EGFLAM: variants seen among roughly 807,000 people sequenced by gnomAD.
EGFLAM encodes EGF like, fibronectin type III and laminin G domains, also known as pikachurin.
Under a neutral mutation model 113.1 loss-of-function variants are expected in EGFLAM, and 79 were observed. That is an observed-to-expected ratio of 0.70 (90% confidence interval 0.58 to 0.84). The LOEUF (loss-of-function observed/expected upper bound fraction) is 0.84, where lower values mean the gene tolerates loss of function less well. Among genes scored for constraint, EGFLAM ranks in the 40% least tolerant of loss-of-function variants. The pLI is 0.00. For synonymous variants in EGFLAM, 504 were observed against 487.6 expected, an observed-to-expected ratio of 1.03 and a Z score of -0.44; for missense variants, 1,265 against 1,291.6, an observed-to-expected ratio of 0.98 and a Z score of 0.32.
In EGFLAM at chr5:38,431,179, G is replaced by A. The variant is rs1742174638; in HGVS notation, c.2057G>A (p.Ser686Asn). The change falls in exon 15 of 22, where the codon AGT (serine) becomes AAT (asparagine). Residue 686 changes from serine to asparagine, a missense_variant and splice_region_variant. Ser to Asn is a conservative substitution (Grantham distance 46, BLOSUM62 1). Coordinates refer to ENST00000322350, the MANE Select transcript of EGFLAM (RefSeq NM_152403.4). ...DCGSGTGVLR[S>N]EDPLTLGNWH... Reference sequence around the variant, plus strand: ...AATATCACATCTTCCTTCCACAGGAGTGAAGATCCCCTCACCCTGGGCAAC... The same window carrying A: ...AATATCACATCTTCCTTCCACAGGAATGAAGATCCCCTCACCCTGGGCAAC... 2 of 1,613,506 alleles carry A rather than the reference G, an allele frequency of 1.2e-6. No individual in the cohort carries two copies. Among genetic ancestry groups the A allele is most frequent in the Non-Finnish European group, 1.7e-6 (2 of 1,179,402 alleles).
intron 18 of EGFLAM, among the ~76,000 whole-genome samples, chr5:38,449,094 G>T (rs1173560724): frequency 1.4e-5 from 2 of 146,950 alleles, no homozygotes; most frequent in Non-Finnish European, 3.0e-5. Flanking sequence ...CTTTCAGTTT[G>T]CCCCTTATCT....
intron 17 of EGFLAM, chr5:38,445,774 G>T (rs182429269): frequency 6.6e-7 from 1 of 1,504,820 alleles, no homozygotes; most frequent in South Asian, 1.1e-5. Context: ...CATGCAGGGG[G>T]ACCCGGGGTG....
intron 1 of EGFLAM, among the ~76,000 whole-genome samples, chr5:38,312,360 G>C (rs1428968128): frequency 6.6e-6 from 1 of 151,754 alleles, no homozygotes. Context: ...TCCTGCCTCA[G>C]CCTCCGGAGT....
At chr5:38,328,248 T>G (rs1754836691) in intron 1 of EGFLAM, among the ~76,000 whole-genome samples, 1 of 152,108 alleles carries the variant, frequency 6.6e-6, no homozygotes, top group Admixed American at 6.5e-5. Context: ...ACACTTTTAT[T>G]AAAGAACCAG....
At position 38,462,099 on chromosome 5, in the gene EGFLAM, G is replaced by A. The variant is rs1579966642; in HGVS notation, c.2772-809G>A. Reference sequence around the variant, plus strand: ...AGGAGAATGGCGTGAACCCCGGGGGGCGGAGCCTGCAGTGAGCCGAGATCG... The same window carrying A: ...AGGAGAATGGCGTGAACCCCGGGGGACGGAGCCTGCAGTGAGCCGAGATCG... On this transcript the variant is annotated intron_variant, in intron 20 of 21. Coordinates refer to ENST00000322350, the MANE Select transcript of EGFLAM (RefSeq NM_152403.4). Among the ~76,000 whole-genome samples, 3 of 152,242 alleles carry A rather than the reference G, an allele frequency of 2.0e-5. No individual in the cohort carries two copies. In the East Asian group the frequency reaches 5.8e-4, roughly 30 times the overall value.
At chr5:38,405,572 A>G (rs780491692) in intron 6 of EGFLAM, among the ~76,000 whole-genome samples, 5 of 152,162 alleles carry the variant, frequency 3.3e-5, no homozygotes, top group Non-Finnish European at 7.4e-5. Flanking sequence ...TAAATAATTT[A>G]GTCATTCTTT....
chr5:38,360,616 A>G (rs1485552624), intron 5 of EGFLAM, among the ~76,000 whole-genome samples: 1 of 152,178 alleles, frequency 6.6e-6, no homozygotes, highest in Non-Finnish European at 1.5e-5. Context: ...CTGGCCTCAG[A>G]CAACAGAATG....
chr5:38,283,206 C>A (rs4434404), intron 1 of EGFLAM, among the ~76,000 whole-genome samples: 1,525 of 152,152 alleles, frequency 0.01, 26 homozygotes, highest in African/African-American at 0.035. Context: ...TTGAATGACC[C>A]GTTCTCCAAT....
At chr5:38,377,411 T>C (rs181550210) in intron 6 of EGFLAM, among the ~76,000 whole-genome samples, 1,818 of 152,332 alleles carry the variant, frequency 0.012, 35 homozygotes, top group African/African-American at 0.042. Context: ...CCCAAAGTGC[T>C]GGGATTACAG....
intron 1 of EGFLAM, among the ~76,000 whole-genome samples, chr5:38,307,627 T>C (rs1169221823): frequency 6.6e-6 from 1 of 152,244 alleles, no homozygotes; most frequent in Non-Finnish European, 1.5e-5. Flanking sequence ...AATCCATACC[T>C]GGTGTAGCCC....
intron 1 of EGFLAM, among the ~76,000 whole-genome samples, chr5:38,331,958 C>T (rs1440840680): frequency 1.3e-5 from 2 of 152,126 alleles, no homozygotes; most frequent in African/African-American, 2.4e-5. Context: ...AGTGCACATG[C>T]CAGTGGTATG....
At chr5:38,356,064 A>G (rs1739754713) in intron 5 of EGFLAM, among the ~76,000 whole-genome samples, 1 of 152,122 alleles carries the variant, frequency 6.6e-6, no homozygotes, top group Non-Finnish European at 1.5e-5. Flanking sequence ...CTGGCTTCTT[A>G]TGTATATTTT....
intron 1 of EGFLAM, among the ~76,000 whole-genome samples, chr5:38,276,253 T>A (rs1579714771): frequency 1.3e-5 from 2 of 152,230 alleles, no homozygotes; most frequent in East Asian, 3.8e-4. Context: ...CCTGTCCCCA[T>A]GATTCAATTA....
Position 38,427,023 on chromosome 5 carries a change from A to T in EGFLAM, c.1825A>T (p.Ile609Phe), listed in dbSNP as rs781020015. The T allele has an allele frequency of 6.2e-7, 1 of 1,613,844 alleles. No homozygotes were observed. Among genetic ancestry groups the T allele is most frequent in the Non-Finnish European group, 8.5e-7 (1 of 1,179,980 alleles). Residue 609 changes from isoleucine to phenylalanine, a missense_variant, in exon 14 of 22, where the codon ATT becomes TTT. Coordinates refer to ENST00000322350, the MANE Select transcript of EGFLAM (RefSeq NM_152403.4). Reference protein sequence around the residue: ...RHCEDAFTLTIPQFRESLRSY... With the variant: ...RHCEDAFTLTFPQFRESLRSY... ...TGTTTTTTCAGCTTTCACCTTGACCATTCCTCAGTTCAGAGAGTCTCTGAG... is the reference window on the plus strand; with the variant it reads ...TGTTTTTTCAGCTTTCACCTTGACCTTTCCTCAGTTCAGAGAGTCTCTGAG...
At chr5:38,435,806 CTTTTTTTTTTTTTT>C (rs60461690) in intron 16 of EGFLAM, among the ~76,000 whole-genome samples, 35 of 88,922 alleles carry the variant, frequency 3.9e-4, no homozygotes, top group Non-Finnish European at 1.7e-4. Context: ...CCGGCTCTCT[CTTTTTTTTTTTTTT>C]TTTTTTTTTT....
intron 1 of EGFLAM, among the ~76,000 whole-genome samples, chr5:38,297,195 T>G (rs6451380): frequency 0.17 from 26,299 of 152,204 alleles, 2,612 homozygotes; most frequent in Middle Eastern, 0.27. Flanking sequence ...ACCATTGTAT[T>G]ATGGTTATGT....
chr5:38,458,758 A>G (rs540181468), intron 20 of EGFLAM, among the ~76,000 whole-genome samples: 1 of 152,232 alleles, frequency 6.6e-6, no homozygotes, highest in African/African-American at 2.4e-5. Flanking sequence ...AGGTGGGTGG[A>G]TCACCTGAGC....
chr5:38,313,185 T>G (rs771896497), intron 1 of EGFLAM, among the ~76,000 whole-genome samples: 40 of 152,200 alleles, frequency 2.6e-4, no homozygotes, highest in Non-Finnish European at 1.0e-4. Flanking sequence ...TCTTTTCTGA[T>G]TTTTTTATCT....
chr5:38,321,564 C>T (rs1453272749), intron 1 of EGFLAM, among the ~76,000 whole-genome samples: 1 of 152,194 alleles, frequency 6.6e-6, no homozygotes, highest in Non-Finnish European at 1.5e-5. Flanking sequence ...AACATAACTG[C>T]ATTGACTGAC....
Sources: gnomAD v4.1 joint callset for allele counts (sites outside exome capture counted in the v4.1 genomes callset) on GRCh38, gnomAD v4.1.1 for gene constraint, MANE v1.5 for transcripts, NCBI Gene and HGNC (gene_info 2026-07-23, HGNC 2026-07-21) for gene names.